Variants in PLXDC2 observed in about 807,000 individuals in gnomAD.
The protein encoded by PLXDC2 is plexin domain containing 2.
In PLXDC2, 40 loss-of-function variants were observed where a neutral mutation model predicts 68.9. The observed-to-expected ratio is 0.58, with a 90% confidence interval of 0.45 to 0.76. The LOEUF (loss-of-function observed/expected upper bound fraction) is 0.76. Among genes scored for constraint, PLXDC2 ranks in the 30% least tolerant of loss-of-function variants. The pLI is 0.00. For synonymous variants in PLXDC2, 243 were observed against 234.2 expected, an observed-to-expected ratio of 1.04 and a Z score of -0.34; for missense variants, 644 against 661.9, an observed-to-expected ratio of 0.97 and a Z score of 0.30.
At chr10:20,172,329 C>G (rs1423979963) in intron 7 of PLXDC2, among the ~76,000 whole-genome samples, 2 of 152,050 alleles carry the variant, frequency 1.3e-5, no homozygotes, top group East Asian at 3.9e-4. Flanking sequence ...AGGCATGTTC[C>G]CCTGCAAAAA....
chr10:19,855,859 G>A (rs1448703299), intron 1 of PLXDC2, among the ~76,000 whole-genome samples: 2 of 152,192 alleles, frequency 1.3e-5, no homozygotes, highest in Non-Finnish European at 2.9e-5. Context: ...GCCAAGGCAG[G>A]CAGATCATGA....
chr10:20,134,080 C>G (rs1212763309), intron 4 of PLXDC2, among the ~76,000 whole-genome samples: 2 of 152,028 alleles, frequency 1.3e-5, no homozygotes, highest in Non-Finnish European at 2.9e-5. Flanking sequence ...GTTTCTGTCT[C>G]TTTGTTAAAC....
intron 9 of PLXDC2, among the ~76,000 whole-genome samples, chr10:20,209,027 AGATCACAG>A (rs1835031549): frequency 6.6e-6 from 1 of 152,176 alleles, no homozygotes; most frequent in Admixed American, 6.5e-5. Flanking sequence ...AGGCAGGGTG[AGATCACAG>A]GACCACAGGA....
chr10:20,112,545 G>A (rs188403240), intron 4 of PLXDC2, among the ~76,000 whole-genome samples: 4 of 152,076 alleles, frequency 2.6e-5, no homozygotes, highest in Non-Finnish European at 5.9e-5. Context: ...CATATTTAGT[G>A]ACCTTTTTAA....
intron 2 of PLXDC2, among the ~76,000 whole-genome samples, chr10:20,017,695 G>A (rs1271854413): frequency 1.3e-5 from 2 of 152,208 alleles, no homozygotes; most frequent in Non-Finnish European, 2.9e-5. Context: ...GTTCATGAAA[G>A]TTAACTTGAC....
chr10:19,843,024 A>C (rs1297458474), intron 1 of PLXDC2, among the ~76,000 whole-genome samples: 2 of 151,984 alleles, frequency 1.3e-5, no homozygotes, highest in South Asian at 4.2e-4. Context: ...TTTATTACAT[A>C]TCCTCCTTCT....
At chr10:19,948,221 C>A (rs972916591) in intron 1 of PLXDC2, among the ~76,000 whole-genome samples, 29 of 152,108 alleles carry the variant, frequency 1.9e-4, no homozygotes, top group African/African-American at 6.7e-4. Context: ...ATTATTAGGG[C>A]CTCAGAAGAA....
At chr10:19,943,118 T>G (rs1461444827) in intron 1 of PLXDC2, among the ~76,000 whole-genome samples, 1 of 152,206 alleles carries the variant, frequency 6.6e-6, no homozygotes, top group African/African-American at 2.4e-5. Context: ...TTAGAGTGGC[T>G]GAAGATCAAA....
At chr10:20,206,364 G>A (rs1249997188) in intron 9 of PLXDC2, among the ~76,000 whole-genome samples, 1 of 152,046 alleles carries the variant, frequency 6.6e-6, no homozygotes, top group Non-Finnish European at 1.5e-5. Flanking sequence ...TGGTGTTGGG[G>A]GGTCTCTGAG....
intron 4 of PLXDC2, among the ~76,000 whole-genome samples, chr10:20,093,624 A>G (rs574596747): frequency 6.6e-6 from 1 of 152,302 alleles, no homozygotes; most frequent in Non-Finnish European, 1.5e-5. Context: ...GTAAGTTACC[A>G]CAAAAACTGC....
chr10:19,906,609 T>TGG (rs779216864), intron 1 of PLXDC2, among the ~76,000 whole-genome samples: 29 of 152,102 alleles, frequency 1.9e-4, no homozygotes, highest in South Asian at 1.2e-3. Context: ...CATGGATTGG[T>TGG]TGGTTTGCAT....
chr10:20,210,558 T>G (rs986926332), intron 9 of PLXDC2, among the ~76,000 whole-genome samples: 4 of 152,160 alleles, frequency 2.6e-5, no homozygotes, highest in African/African-American at 9.7e-5. Flanking sequence ...ACACAATGCT[T>G]GCTAAATTAG....
At chr10:20,200,565 C>A (rs1232627668) in intron 9 of PLXDC2, among the ~76,000 whole-genome samples, 1 of 151,942 alleles carries the variant, frequency 6.6e-6, no homozygotes, top group Non-Finnish European at 1.5e-5. Flanking sequence ...AAAGCTTCTC[C>A]ACAGCAGGGG....
At chr10:20,208,609 C>T (rs953239837) in intron 9 of PLXDC2, among the ~76,000 whole-genome samples, 6 of 152,074 alleles carry the variant, frequency 3.9e-5, no homozygotes, top group African/African-American at 1.4e-4. Flanking sequence ...TTGAATTTCT[C>T]ATATGAAAAA....
chr10:19,836,139 C>T (rs546914719), intron 1 of PLXDC2, among the ~76,000 whole-genome samples: 28 of 151,658 alleles, frequency 1.8e-4, no homozygotes, highest in African/African-American at 5.6e-4. Context: ...ATTGGTCCAC[C>T]GCACTCCAGC....
intron 4 of PLXDC2, among the ~76,000 whole-genome samples, chr10:20,115,022 C>T (rs1833604196): frequency 2.6e-5 from 4 of 152,220 alleles, no homozygotes; most frequent in Middle Eastern, 3.4e-3. Context: ...ATCCGCAATG[C>T]AATTTTTTTT....
chr10:20,085,160 G>T (rs1833173567), intron 4 of PLXDC2, among the ~76,000 whole-genome samples: 1 of 85,994 alleles, frequency 1.2e-5, no homozygotes, highest in Non-Finnish European at 1.9e-5. Flanking sequence ...GCTCTCATCT[G>T]TGTGCTTAAA....
intron 3 of PLXDC2, among the ~76,000 whole-genome samples, chr10:20,064,673 T>G (rs1836171214): frequency 6.6e-6 from 1 of 152,170 alleles, no homozygotes; most frequent in Non-Finnish European, 1.5e-5. Flanking sequence ...CTCTTCTTCC[T>G]GCATTCATAA....
chr10:20,192,641 A>T (rs570921104), intron 9 of PLXDC2, among the ~76,000 whole-genome samples: 1 of 152,076 alleles, frequency 6.6e-6, no homozygotes, highest in African/African-American at 2.4e-5. Context: ...TAGATCAGAA[A>T]GTGGAGCATA....
Sources: allele counts gnomAD v4.1 joint callset (sites outside exome capture counted in the v4.1 genomes callset), GRCh38; gene constraint gnomAD v4.1.1; transcripts MANE v1.5; gene names NCBI Gene and HGNC (gene_info 2026-07-23, HGNC 2026-07-21).